The following RDH8 variants were observed in gnomAD, a reference collection of about 807,000 sequenced individuals.
RDH8 encodes the protein retinol dehydrogenase 8, also known as photoreceptor outer segment all-trans retinol dehydrogenase.
Under a neutral mutation model 22.3 loss-of-function variants are expected in RDH8, and 14 were observed. The ratio of observed to expected loss-of-function variants is 0.63; its 90% CI spans 0.42 to 0.98. The LOEUF is 0.98. RDH8 is among the 50% of genes least tolerant of loss of function. The probability of loss-of-function intolerance (pLI) is 0.00; values close to 1 mark genes in which losing one functional copy is unlikely to be tolerated. For synonymous variants in RDH8, 175 were observed against 171.7 expected (o/e 1.02, Z -0.15); for missense variants, 389 against 409.8 (o/e 0.95, Z 0.44).
intron 3 of RDH8, among the ~76,000 whole-genome samples, chr19:10,019,297 CA>C (rs34101494): frequency 6.7e-6 from 1 of 148,378 alleles, no homozygotes. Context: ...AACTCTGTCT[CA>C]AAAAAAATAA....
At position 10,020,765 on chromosome 19, in the gene RDH8, G is replaced by A. The variant is rs755753285; in HGVS notation, c.499G>A (p.Glu167Lys). ...CAAGTTCGCCCTGGAGGGATTCTTC[G>A]AAAGCCTCGCTATCCAGCTGCTGCA... ...ASKFALEGFF[E>K]SLAIQLLQFN... The change falls in exon 4 of 6, where the codon GAA becomes AAA. Residue 167 changes from glutamate to lysine, a missense_variant. Glu to Lys is a moderately conservative substitution (Grantham distance 56, BLOSUM62 1). Transcript: ENST00000591589. The A allele has an allele frequency of 8.7e-6, 14 of 1,610,978 alleles. No individual in the cohort carries two copies. The highest frequency in any genetic ancestry group is 4.0e-5 in the African/African-American group (3 of 74,872).
chr19:10,015,910 C>A (rs1445095253), intron 1 of RDH8, among the ~76,000 whole-genome samples: 13 of 151,752 alleles, frequency 8.6e-5, no homozygotes, highest in Admixed American at 8.5e-4. Flanking sequence ...CGAGATTGCA[C>A]CCCTGTACTC....
intron 4 of RDH8, 73 bp from the exon 5 acceptor site, chr19:10,021,182 A>AG (rs1280289111): frequency 6.7e-7 from 1 of 1,484,808 alleles, no homozygotes; most frequent in East Asian, 2.3e-5. Flanking sequence ...TCTTAAAAAA[A>AG]AAAAAAAATG....
At chr19:10,020,362 A>AGCG (rs372028191) in intron 3 of RDH8, among the ~76,000 whole-genome samples, 1 of 121,766 alleles carries the variant, frequency 8.2e-6, no homozygotes, top group Non-Finnish European at 1.7e-5. Context: ...GGGAGGGAGG[A>AGCG]AGGAAGGAAG....
intron 3 of RDH8, among the ~76,000 whole-genome samples, chr19:10,020,268 C>G (rs899251371): frequency 6.7e-6 from 1 of 148,954 alleles, no homozygotes; most frequent in African/African-American, 2.5e-5. Flanking sequence ...CACCACTGCA[C>G]CCCAGACTGC....
rs751991262 is a variant in RDH8, at chr19:10,020,747, G to A, written c.481G>A (p.Ala161Thr). The part of the protein sequence containing the change: ...FNDVYAASKF[A>T]LEGFFESLAI... ...CGATGTCTATGCAGCTTCCAAGTTC[G>A]CCCTGGAGGGATTCTTCGAAAGCCT... Residue 161 changes from alanine (A) to threonine (T), a missense_variant, in exon 4 of 6, where the codon GCC becomes ACC. Physicochemically the swap from Ala to Thr is moderately conservative, Grantham distance 58. Transcript: ENST00000591589. 5.2e-5 allele frequency: 83 copies of A among 1,611,404 alleles called. No homozygotes were observed. Among genetic ancestry groups the A allele is most frequent in the Non-Finnish European group, 4.1e-5 (48 of 1,178,732 alleles).
Position 10,018,781 on chromosome 19 carries a change from G to A in RDH8, c.313G>A (p.Ala105Thr), listed in dbSNP as rs779357822. ...LVGPLEGLSL[A>T]AMQNVFDTNF... is the part of the protein sequence containing the mutation. ...GGGGCCCCTGGAGGGGCTCAGCCTTGCTGCCATGCAGAATGTCTTTGACAC... is the reference window on the plus strand; with the variant it reads ...GGGGCCCCTGGAGGGGCTCAGCCTTACTGCCATGCAGAATGTCTTTGACAC... Residue 105 changes from alanine (A) to threonine (T), a missense_variant, in exon 3 of 6, where the codon GCT becomes ACT. Coordinates refer to ENST00000591589, the MANE Select transcript of RDH8 (RefSeq NM_015725.4). 1.9e-6 allele frequency: 3 copies of A among 1,613,824 alleles called. No homozygotes were observed. In the South Asian group the frequency reaches 3.3e-5, roughly 18 times the overall value.
rs2087586271 is a variant in RDH8 at position 10,013,584 on chromosome 19, C to CAAGAAGCGCTACCAGGGT, written c.94_103+8dup. The CAAGAAGCGCTACCAGGGT allele has an allele frequency of 3.1e-6, 5 of 1,613,896 alleles. No homozygotes were observed. Among genetic ancestry groups the CAAGAAGCGCTACCAGGGT allele is most frequent in the Non-Finnish European group, 4.2e-6 (5 of 1,180,032 alleles). On this transcript the variant is annotated inframe_insertion, in exon 1 of 6. Coordinates refer to ENST00000591589, the MANE Select transcript of RDH8 (RefSeq NM_015725.4). ...TTGCAGTGCAACTGGCCCATGACCC[C>CAAGAAGCGCTACCAGGGT]AAGAAGCGCTACCAGGGTAAGAAGT... is the stretch of plus-strand genomic sequence containing the variant.
Position 10,013,613 on chromosome 19 carries a change from G to T in RDH8, c.103+13G>T. 1 of 1,613,804 alleles carries T rather than the reference G, an allele frequency of 6.2e-7. No individual in the cohort carries two copies. On this transcript the variant is annotated intron_variant, in intron 1 of 5. Coordinates refer to ENST00000591589, the MANE Select transcript of RDH8 (RefSeq NM_015725.4). The stretch of plus-strand genomic sequence containing the variant: ...AAGCGCTACCAGGGTAAGAAGTGCA[G>T]GGTGGCACTAGGAGGCAGCCGGGTG...
At position 10,019,565 on chromosome 19, in the gene RDH8, G is replaced by A. The variant is rs138084677; in HGVS notation, c.442+655G>A. ...TGTAATCCCAACACTTTGGGAGGCC[G>A]AGGCAGGTGGATTACCCAAGATCAG... On this transcript the variant is annotated intron_variant, in intron 3 of 5. Transcript: ENST00000591589. 4.7e-3 allele frequency among the ~76,000 whole-genome samples: 709 copies of A among 152,144 alleles called. 6 individuals are homozygous for A. Among genetic ancestry groups the A allele is most frequent in the African/African-American group, 0.016 (666 of 41,504 alleles).
chr19:10,019,821 TAAAC>T (rs35825272), intron 3 of RDH8, among the ~76,000 whole-genome samples: 19 of 150,270 alleles, frequency 1.3e-4, no homozygotes, highest in South Asian at 2.1e-4. Flanking sequence ...AATAAATAAG[TAAAC>T]AAACAAACAA....
intron 1 of RDH8, among the ~76,000 whole-genome samples, chr19:10,015,623 C>T (rs559023338): frequency 3.5e-5 from 5 of 144,860 alleles, no homozygotes; most frequent in South Asian, 2.3e-4. Flanking sequence ...AGCGAGACTC[C>T]GTCTCAAAAA....
chr19:10,014,871 G>C (rs376658005), intron 1 of RDH8, among the ~76,000 whole-genome samples: 1 of 152,268 alleles, frequency 6.6e-6, no homozygotes. Context: ...CTAAGGTGCA[G>C]ACTGTGAAAG....
At chr19:10,016,230 T>C (rs575730775) in intron 1 of RDH8, among the ~76,000 whole-genome samples, 17 of 150,850 alleles carry the variant, frequency 1.1e-4, no homozygotes, top group African/African-American at 3.9e-4. Flanking sequence ...CACTGCAAGC[T>C]CCGCCTCCCG....
At position 10,021,615 on chromosome 19, in the gene RDH8, A is replaced by G; in HGVS notation, c.802A>G (p.Lys268Glu). The G allele has an allele frequency of 2.5e-6, 4 of 1,613,618 alleles. No homozygotes were observed. The highest frequency in any genetic ancestry group is 3.4e-6 in the Non-Finnish European group (4 of 1,179,528). The part of the protein sequence containing the change: ...NIRYSPLTTL[K>E]TVDSSGSLYV... ...CCGCTACTCGCCGCTGACCACGCTC[A>G]AAACCGTGGATTCCTCTGGCAGCCT... is the stretch of plus-strand genomic sequence containing the variant. The change falls in exon 6 of 6, where the codon AAA becomes GAA. Residue 268 changes from lysine (K) to glutamate (E), a missense_variant. Transcript: ENST00000591589.
At position 10,021,250 on chromosome 19, in the gene RDH8, G is replaced by A. The variant is rs746398163; in HGVS notation, c.537-5G>A. On this transcript the variant is annotated splice_region_variant and splice_polypyrimidine_tract_variant and intron_variant, in intron 4 of 5. Coordinates refer to ENST00000591589, the MANE Select transcript of RDH8 (RefSeq NM_015725.4). ...AGACTTACACTACCCATGCCTGGTC[G>A]CCAGCATCTCCCTGGTGGAGCCAGG... The A allele has an allele frequency of 1.5e-5, 24 of 1,613,738 alleles. No homozygotes were observed. The highest frequency in any genetic ancestry group is 8.0e-5 in the African/African-American group (6 of 74,854).
At chr19:10,015,970 A>G (rs1178592256) in intron 1 of RDH8, among the ~76,000 whole-genome samples, 1 of 150,788 alleles carries the variant, frequency 6.6e-6, no homozygotes, top group Non-Finnish European at 1.5e-5. Context: ...AAAAAAATAT[A>G]TATATATATA....
chr19:10,020,522 A>T (rs2145169047), intron 3 of RDH8, among the ~76,000 whole-genome samples, 187 bp from the exon 4 acceptor site: 1 of 152,100 alleles, frequency 6.6e-6, no homozygotes, highest in Middle Eastern at 3.4e-3. Context: ...ACCCGAGAAC[A>T]ACCTCTTTCT....
At chr19:10,016,446 C>T (rs2087617527) in intron 1 of RDH8, among the ~76,000 whole-genome samples, 1 of 151,002 alleles carries the variant, frequency 6.6e-6, no homozygotes, top group Admixed American at 6.6e-5. Flanking sequence ...TGAGCCACCG[C>T]GCCAGGCCGC....
Sources: allele counts gnomAD v4.1 joint callset (sites outside exome capture counted in the v4.1 genomes callset), GRCh38; gene constraint gnomAD v4.1.1; transcripts MANE v1.5; gene names NCBI Gene and HGNC (gene_info 2026-07-23, HGNC 2026-07-21).